Variants in CCDC148 observed in about 807,000 individuals in gnomAD.
CCDC148 encodes the protein coiled-coil domain-containing protein 148.
CCDC148 carries 89 observed loss-of-function variants against 85.7 expected under a neutral mutation model. The observed-to-expected ratio is 1.04, with a 90% CI of 0.87 to 1.24. CCDC148 has a LOEUF of 1.24. Ranked by LOEUF, CCDC148 falls within the 50% of genes most tolerant of loss-of-function variation. The probability of loss-of-function intolerance (pLI) is 0.00; values close to 1 mark genes in which losing one functional copy is unlikely to be tolerated. For synonymous variants in CCDC148, 230 were observed against 213.9 expected (o/e 1.08, Z -0.66); for missense variants, 692 against 671.7 (o/e 1.03, Z -0.33).
At chr2:158,295,858 T>C (rs1250650236) in intron 9 of CCDC148, among the ~76,000 whole-genome samples, 4 of 151,656 alleles carry the variant, frequency 2.6e-5, no homozygotes, top group African/African-American at 9.7e-5. Context: ...CAACATAGTG[T>C]TGGAAGTTCT....
At chr2:158,340,550 T>C (rs1682630059) in intron 4 of CCDC148, 48 bp downstream of exon 4, 2 of 1,439,932 alleles carry the variant, frequency 1.4e-6, no homozygotes, top group South Asian at 2.6e-5. Context: ...CCATTCTCAT[T>C]CTTCAAAATA....
At chr2:158,425,024 T>A (rs1687010413) in intron 1 of CCDC148, 1 of 422,166 alleles carries the variant, frequency 2.4e-6, no homozygotes. Context: ...GAACAGGTGC[T>A]GCAACCAGTG....
intron 9 of CCDC148, among the ~76,000 whole-genome samples, chr2:158,264,092 A>G: frequency 6.6e-6 from 1 of 151,862 alleles, no homozygotes. Flanking sequence ...TGAGAATAAG[A>G]CCATTTTGGA....
intron 9 of CCDC148, among the ~76,000 whole-genome samples, chr2:158,288,319 C>CA (rs1201073735): frequency 6.6e-6 from 1 of 152,152 alleles, no homozygotes; most frequent in Non-Finnish European, 1.5e-5. Flanking sequence ...TATTTCTCCT[C>CA]AAAAAATGGG....
At chr2:158,379,936 C>T (rs561242194) in intron 1 of CCDC148, among the ~76,000 whole-genome samples, 2 of 152,152 alleles carry the variant, frequency 1.3e-5, no homozygotes, top group African/African-American at 4.8e-5. Flanking sequence ...TGCAATATCT[C>T]CAAGGTACAC....
At chr2:158,189,388 A>C (rs1685312288) in intron 11 of CCDC148, among the ~76,000 whole-genome samples, 1 of 151,884 alleles carries the variant, frequency 6.6e-6, no homozygotes, top group African/African-American at 2.4e-5. Flanking sequence ...GTCCTCTATA[A>C]CAAGAGGACA....
At chr2:158,336,570 T>C (rs1292411333) in intron 7 of CCDC148, among the ~76,000 whole-genome samples, 4 of 152,196 alleles carry the variant, frequency 2.6e-5, no homozygotes, top group African/African-American at 9.6e-5. Context: ...TTTTAAGTTT[T>C]ATTCAATAAA....
intron 7 of CCDC148, among the ~76,000 whole-genome samples, chr2:158,333,473 C>T (rs1693255561): frequency 6.6e-6 from 1 of 152,116 alleles, no homozygotes. Flanking sequence ...CGATGAGATG[C>T]TGAAGAGAAC....
At chr2:158,448,436 T>C (rs925513134) in intron 1 of CCDC148, among the ~76,000 whole-genome samples, 1 of 151,782 alleles carries the variant, frequency 6.6e-6, no homozygotes, top group Non-Finnish European at 1.5e-5. Context: ...CAGCCTTGAC[T>C]TCCTGGGCTC....
intron 8 of CCDC148, among the ~76,000 whole-genome samples, chr2:158,310,474 GCTC>G (rs766380031): frequency 2.6e-5 from 4 of 151,138 alleles, no homozygotes; most frequent in Non-Finnish European, 4.4e-5. Flanking sequence ...GGGCAGAGGG[GCTC>G]CTCACTTCCC....
chr2:158,443,728 C>T (rs1250653835), intron 1 of CCDC148, among the ~76,000 whole-genome samples: 1 of 151,746 alleles, frequency 6.6e-6, no homozygotes, highest in Non-Finnish European at 1.5e-5. Flanking sequence ...TAACCTAGGC[C>T]CAGGGAATAT....
chr2:158,288,955 G>A (rs1690763259), intron 9 of CCDC148: 5 of 244,854 alleles, frequency 2.0e-5, no homozygotes, highest in Non-Finnish European at 4.0e-5. Context: ...AAAATGAGGT[G>A]GAAGCAAAAG....
chr2:158,281,780 G>A (rs1430601840), intron 9 of CCDC148, among the ~76,000 whole-genome samples: 1 of 152,110 alleles, frequency 6.6e-6, no homozygotes, highest in Non-Finnish European at 1.5e-5. Context: ...CATTTTATGA[G>A]GCCAGCATCA....
intron 1 of CCDC148, among the ~76,000 whole-genome samples, chr2:158,383,807 A>G (rs1239415324): frequency 6.6e-6 from 1 of 152,166 alleles, no homozygotes; most frequent in Non-Finnish European, 1.5e-5. Context: ...TTTACCATCG[A>G]TAACTTTACT....
At chr2:158,401,314 T>C (rs1232627656) in intron 1 of CCDC148, among the ~76,000 whole-genome samples, 1 of 152,046 alleles carries the variant, frequency 6.6e-6, no homozygotes, top group East Asian at 1.9e-4. Flanking sequence ...TGTCCATCAA[T>C]AATCGACTGG....
chr2:158,217,393 T>TACAC lies in CCDC148; in HGVS notation c.1370+3198_1370+3201dup, dbSNP rs72202074. 7.5e-4 allele frequency among the ~76,000 whole-genome samples: 102 copies of TACAC among 135,314 alleles called. 1 individual carries two copies. Among genetic ancestry groups the TACAC allele is most frequent in the African/African-American group, 2.6e-3 (94 of 36,070 alleles). 88.8% of individuals were successfully genotyped at this position (135,314 alleles called of 152,430 possible). ...GTGTGTGTATATATATATATATATA[T>TACAC]ACACACACACATACATTTCATTTTT... On this transcript the variant is annotated intron_variant, in intron 11 of 13. Transcript: ENST00000283233.
chr2:158,290,372 C>T (rs1690831347), intron 9 of CCDC148, among the ~76,000 whole-genome samples: 1 of 152,198 alleles, frequency 6.6e-6, no homozygotes, highest in South Asian at 2.1e-4. Flanking sequence ...TTTCGCTTGT[C>T]CTGTCATCCA....
chr2:158,267,198 C>A (rs1689504598), intron 9 of CCDC148, among the ~76,000 whole-genome samples: 1 of 151,982 alleles, frequency 6.6e-6, no homozygotes. Flanking sequence ...CCACCCACAC[C>A]AAACATCAAA....
At position 158,354,330 on chromosome 2, in the gene CCDC148, G is replaced by A. The variant is rs537253834; in HGVS notation, c.147+4119C>T. On this transcript the variant is annotated intron_variant, in intron 2 of 13. Transcript: ENST00000283233. Reference sequence around the variant, plus strand: ...GATCAACAAAATTGATAGACCGCTAGCAAGACTAATAAAGAAAAAAAGAGA... The same window carrying A: ...GATCAACAAAATTGATAGACCGCTAACAAGACTAATAAAGAAAAAAAGAGA... Among the ~76,000 whole-genome samples, 266 of 152,062 alleles carry A rather than the reference G, an allele frequency of 1.7e-3. 1 individual carries two copies. Among genetic ancestry groups the A allele is most frequent in the Middle Eastern group, 0.01 (3 of 294 alleles).
Sources: gnomAD v4.1 joint callset for allele counts (sites outside exome capture counted in the v4.1 genomes callset) on GRCh38, gnomAD v4.1.1 for gene constraint, MANE v1.5 for transcripts, NCBI Gene and HGNC (gene_info 2026-07-23, HGNC 2026-07-21) for gene names.